SLC6A5: variants seen among roughly 807,000 people sequenced by gnomAD.
The protein encoded by SLC6A5 is solute carrier family 6 member 5.
A neutral mutation model predicts 90.5 loss-of-function variants in SLC6A5; 58 were observed. The ratio of observed to expected loss-of-function variants is 0.64; its 90% CI spans 0.52 to 0.80. SLC6A5 has a LOEUF of 0.80. Among genes scored for constraint, SLC6A5 ranks in the 30% least tolerant of loss-of-function variants. SLC6A5 has a pLI of 0.00. For missense variants in SLC6A5, 1,015 were observed against 1,017.6 expected, an observed-to-expected ratio of 1.00 and a Z score of 0.03; for synonymous variants, 427 against 401.4, an observed-to-expected ratio of 1.06 and a Z score of -0.76.
At chr11:20,622,672 G>C (rs1220635167) in intron 7 of SLC6A5, among the ~76,000 whole-genome samples, 1 of 152,178 alleles carries the variant, frequency 6.6e-6, no homozygotes, top group African/African-American at 2.4e-5. Context: ...AGGAGTGATG[G>C]TGTCTAAACA....
At chr11:20,600,389 A>AGAAGAAGAAGAAGAG (rs1852442662) in intron 1 of SLC6A5, among the ~76,000 whole-genome samples, 4 of 148,992 alleles carry the variant, frequency 2.7e-5, no homozygotes, top group African/African-American at 1.0e-4. Flanking sequence ...AAGAAGAAGA[A>AGAAGAAGAAGAAGAG]GAAGAAGAAG....
chr11:20,651,863 G>A (rs971204915), intron 14 of SLC6A5, among the ~76,000 whole-genome samples: 5 of 151,706 alleles, frequency 3.3e-5, no homozygotes, highest in Admixed American at 2.0e-4. Flanking sequence ...CTGAGATCAC[G>A]CCATTGTACT....
At chr11:20,625,527 G>T (rs1367887570) in intron 7 of SLC6A5, among the ~76,000 whole-genome samples, 1 of 152,150 alleles carries the variant, frequency 6.6e-6, no homozygotes, top group Non-Finnish European at 1.5e-5. Context: ...CTCCCAAATT[G>T]TTGGGATTAC....
At chr11:20,627,322 C>T (rs1853016605) in intron 8 of SLC6A5, among the ~76,000 whole-genome samples, 2 of 152,196 alleles carry the variant, frequency 1.3e-5, no homozygotes, top group Admixed American at 1.3e-4. Flanking sequence ...TCTGTACAGG[C>T]ATATCTAACT....
intron 7 of SLC6A5, among the ~76,000 whole-genome samples, chr11:20,620,405 T>A (rs940775196): frequency 1.3e-5 from 2 of 152,248 alleles, no homozygotes; most frequent in African/African-American, 4.8e-5. Context: ...TAATAGTGCA[T>A]AATACTTAGG....
rs1377247261 is a variant in SLC6A5, at chr11:20,656,036, C to G, written c.*1168C>G. The G allele has an allele frequency of 6.6e-6, 1 of 152,136 alleles. No individual in the cohort carries two copies. Among genetic ancestry groups the G allele is most frequent in the Admixed American group, 6.5e-5 (1 of 15,276 alleles). 9.4% of individuals were successfully genotyped at this position (152,136 alleles called of 1,614,324 possible). On this transcript the variant is annotated 3_prime_UTR_variant, in exon 16 of 16. Coordinates refer to ENST00000525748, the MANE Select transcript of SLC6A5 (RefSeq NM_004211.5). The stretch of plus-strand genomic sequence containing the variant: ...TAAGTAGCGAGTGAGCCAATTAAGA[C>G]TATAGCTTTTAAGACTACATTTAGC...
intron 10 of SLC6A5, among the ~76,000 whole-genome samples, 154 bp downstream of exon 10, chr11:20,630,969 C>T (rs1012420155): frequency 6.6e-6 from 1 of 152,134 alleles, no homozygotes; most frequent in Non-Finnish European, 1.5e-5. Context: ...AAGGCAGGCT[C>T]AAGTAGGAAG....
At chr11:20,648,521 G>A (rs1853465688) in intron 14 of SLC6A5, among the ~76,000 whole-genome samples, 1 of 152,086 alleles carries the variant, frequency 6.6e-6, no homozygotes, top group South Asian at 2.1e-4. Context: ...AGTTGAAAAG[G>A]GTAGGCTTTC....
At chr11:20,624,585 G>A (rs768794351) in intron 7 of SLC6A5, among the ~76,000 whole-genome samples, 1 of 152,158 alleles carries the variant, frequency 6.6e-6, no homozygotes, top group Admixed American at 6.5e-5. Context: ...ACTCGAGTCT[G>A]TGCAGACAGC....
At chr11:20,654,522 T>G in intron 15 of SLC6A5, among the ~76,000 whole-genome samples, 191 bp from the exon 16 acceptor site, 1 of 152,270 alleles carries the variant, frequency 6.6e-6, no homozygotes, top group East Asian at 1.9e-4. Context: ...TAAGTGTCCT[T>G]TTTAATGTCT....
At chr11:20,620,598 A>AG (rs1852871023) in intron 7 of SLC6A5, among the ~76,000 whole-genome samples, 1 of 152,144 alleles carries the variant, frequency 6.6e-6, no homozygotes, top group East Asian at 1.9e-4. Context: ...AGCTTTGTTG[A>AG]ACACTGTGTG....
chr11:20,630,227 G>A (rs10766707), intron 9 of SLC6A5, among the ~76,000 whole-genome samples: 48,526 of 152,038 alleles, frequency 0.32, 8,131 homozygotes, highest in Middle Eastern at 0.46. Context: ...TTCAAAGATG[G>A]CACCTTGTTG....
chr11:20,647,463 T>TTA (rs1473376675), intron 14 of SLC6A5, among the ~76,000 whole-genome samples: 3 of 142,550 alleles, frequency 2.1e-5, no homozygotes, highest in East Asian at 2.1e-4. Flanking sequence ...CTATATATAT[T>TTA]TATATATATA....
chr11:20,604,587 C>G (rs1405810077), intron 3 of SLC6A5, among the ~76,000 whole-genome samples, 163 bp downstream of exon 3: 1 of 152,136 alleles, frequency 6.6e-6, no homozygotes, highest in Admixed American at 6.5e-5. Flanking sequence ...AACCAGAGGG[C>G]GGGGGCGACC....
intron 11 of SLC6A5, 124 bp from the exon 12 acceptor site, chr11:20,637,048 T>G: frequency 1.0e-6 from 1 of 1,000,490 alleles, no homozygotes; most frequent in Admixed American, 1.7e-5. Context: ...ATTGAGGGAA[T>G]GCCATCCTAA....
chr11:20,648,523 T>C (rs2133821086), intron 14 of SLC6A5, among the ~76,000 whole-genome samples: 1 of 152,196 alleles, frequency 6.6e-6, no homozygotes, highest in East Asian at 1.9e-4. Context: ...TTGAAAAGGG[T>C]AGGCTTTCTA....
chr11:20,650,655 C>CTTTTTTTTTTTTT (rs55849528), intron 14 of SLC6A5, among the ~76,000 whole-genome samples: 1 of 79,844 alleles, frequency 1.3e-5, no homozygotes, highest in African/African-American at 5.1e-5. Context: ...GACGCCTGTT[C>CTTTTTTTTTTTTT]TTTTTTTTTT....
rs1590163748 is a variant in SLC6A5, at chr11:20,617,930, G to A, written c.1260+46G>A. ...AAGAGAAAGCTGTGAGACACCCAGG[G>A]GCGGTTGCTTTGGGGAGCAGGCAGA... On this transcript the variant is annotated intron_variant, in intron 7 of 15. Coordinates refer to ENST00000525748, the MANE Select transcript of SLC6A5 (RefSeq NM_004211.5). The A allele has an allele frequency of 3.7e-6, 6 of 1,605,392 alleles. No homozygotes were observed. In the East Asian group the frequency reaches 1.3e-4, roughly 36 times the overall value.
intron 14 of SLC6A5, among the ~76,000 whole-genome samples, chr11:20,649,601 G>C (rs964201501): frequency 2.6e-5 from 4 of 152,210 alleles, no homozygotes; most frequent in Non-Finnish European, 4.4e-5. Flanking sequence ...TATTTGTGGT[G>C]TGCTGGAATA....
Sources: allele counts gnomAD v4.1 joint callset (sites outside exome capture counted in the v4.1 genomes callset), GRCh38; gene constraint gnomAD v4.1.1; transcripts MANE v1.5; gene names NCBI Gene and HGNC (gene_info 2026-07-23, HGNC 2026-07-21).